Variants in FBXW8 observed in about 807,000 individuals in gnomAD.
FBXW8 encodes F-box and WD repeat domain containing 8.
A neutral mutation model predicts 65.3 loss-of-function variants in FBXW8; 57 were observed. The observed-to-expected ratio is 0.87, with a 90% CI of 0.71 to 1.09. The LOEUF is 1.09. Among genes scored for constraint, FBXW8 ranks in the 50% least tolerant of loss-of-function variants. The pLI is 0.00. For missense variants in FBXW8, 777 were observed against 814.8 expected (o/e 0.95, Z 0.57); for synonymous variants, 308 against 330.2 (o/e 0.93, Z 0.73).
At chr12:116,999,088 A>C (rs1470273717) in intron 7 of FBXW8, among the ~76,000 whole-genome samples, 2 of 152,238 alleles carry the variant, frequency 1.3e-5, no homozygotes, top group Non-Finnish European at 2.9e-5. Flanking sequence ...TAATGGACGC[A>C]AAGTTACTCT....
At chr12:116,955,687 A>C (rs1246338099) in intron 4 of FBXW8, among the ~76,000 whole-genome samples, 2 of 152,208 alleles carry the variant, frequency 1.3e-5, no homozygotes, top group African/African-American at 4.8e-5. Flanking sequence ...AGAGTAGAAG[A>C]AAGGGGCATA....
intron 1 of FBXW8, among the ~76,000 whole-genome samples, chr12:116,927,134 T>C (rs1388332839): frequency 1.3e-5 from 2 of 152,156 alleles, no homozygotes; most frequent in African/African-American, 4.8e-5. Flanking sequence ...CATACCAAAG[T>C]GAGCTTTGGC....
intron 4 of FBXW8, among the ~76,000 whole-genome samples, chr12:116,958,564 TG>T (rs1469968896): frequency 6.6e-6 from 1 of 152,172 alleles, no homozygotes; most frequent in African/African-American, 2.4e-5. Context: ...ACAACCCCCC[TG>T]GTCATGGCGA....
intron 8 of FBXW8, among the ~76,000 whole-genome samples, chr12:117,015,069 A>G (rs1953919153): frequency 1.3e-5 from 2 of 152,236 alleles, no homozygotes; most frequent in Admixed American, 6.5e-5. Context: ...CCTCACCCCT[A>G]TTCTTTGAGG....
chr12:116,959,487 T>C (rs1046739444), intron 4 of FBXW8, among the ~76,000 whole-genome samples: 1 of 152,142 alleles, frequency 6.6e-6, no homozygotes, highest in Non-Finnish European at 1.5e-5. Context: ...CTCAGCATTC[T>C]TAAATCAAAA....
intron 7 of FBXW8, 63 bp downstream of exon 7, chr12:116,988,932 ATTG>A: frequency 6.8e-7 from 1 of 1,472,440 alleles, no homozygotes; most frequent in Non-Finnish European, 9.3e-7. Flanking sequence ...TTAGAAGGGA[ATTG>A]AAAAATTAAA....
chr12:117,023,958 T>TA (rs1395728709), intron 8 of FBXW8, among the ~76,000 whole-genome samples, 189 bp from the exon 9 acceptor site: 35 of 152,386 alleles, frequency 2.3e-4, no homozygotes, highest in African/African-American at 8.4e-4. Flanking sequence ...TTTAAACCAT[T>TA]CAGATGAGAC....
At chr12:117,018,431 C>T (rs1038289961) in intron 8 of FBXW8, among the ~76,000 whole-genome samples, 2 of 152,210 alleles carry the variant, frequency 1.3e-5, no homozygotes, top group East Asian at 1.9e-4. Flanking sequence ...TGTTTCCCAG[C>T]GTCGAGTATT....
chr12:116,912,696 C>G (rs1880087026), intron 1 of FBXW8, among the ~76,000 whole-genome samples: 1 of 152,006 alleles, frequency 6.6e-6, no homozygotes, highest in Non-Finnish European at 1.5e-5. Context: ...ATCTCCTGAC[C>G]TCGTGATCCG....
intron 1 of FBXW8, among the ~76,000 whole-genome samples, chr12:116,912,352 T>C (rs1053791548): frequency 6.6e-6 from 1 of 151,866 alleles, no homozygotes; most frequent in South Asian, 2.1e-4. Flanking sequence ...CACACTCAGC[T>C]AATTTTTTAA....
chr12:116,963,306 T>TA (rs1884102079), intron 4 of FBXW8, among the ~76,000 whole-genome samples: 1 of 152,154 alleles, frequency 6.6e-6, no homozygotes, highest in African/African-American at 2.4e-5. Context: ...AGTACTTCTC[T>TA]ATAAGAAATT....
chr12:116,947,799 T>G (rs187192835), intron 3 of FBXW8, among the ~76,000 whole-genome samples: 1 of 151,870 alleles, frequency 6.6e-6, no homozygotes, highest in East Asian at 1.9e-4. Flanking sequence ...GCAAGTTGCT[T>G]TACTTTTGTC....
chr12:116,936,140 G>A lies in FBXW8; in HGVS notation c.423+8013G>A, dbSNP rs1210635248. Among the ~76,000 whole-genome samples the A allele has an allele frequency of 6.6e-6, 1 of 152,198 alleles. No homozygotes were observed. The highest frequency in any genetic ancestry group is 1.5e-5 in the Non-Finnish European group (1 of 68,026). On this transcript the variant is annotated intron_variant, in intron 2 of 10. Coordinates refer to ENST00000652555, the MANE Select transcript of FBXW8 (RefSeq NM_153348.3). This position sits in a 1 kb window ranked among gnomAD's most constrained non-coding sequence, Gnocchi z 4.6. Reference sequence around the variant, plus strand: ...GGGGGTTGCACTTTTGAGTGGCCAGGGAAGACTTTGCAGAGAAGGTGAGCT... The same window carrying A: ...GGGGGTTGCACTTTTGAGTGGCCAGAGAAGACTTTGCAGAGAAGGTGAGCT...
chr12:116,953,900 G>T (rs984788761), intron 4 of FBXW8, among the ~76,000 whole-genome samples: 2 of 152,126 alleles, frequency 1.3e-5, no homozygotes, highest in African/African-American at 2.4e-5. Flanking sequence ...CAGATCATGA[G>T]GTCAGGAGTT....
In FBXW8 at chr12:116,985,286, G is replaced by T. The variant is rs767993065; in HGVS notation, c.916G>T (p.Ala306Ser). The T allele has an allele frequency of 3.6e-5, 58 of 1,614,088 alleles. No individual in the cohort carries two copies. Among genetic ancestry groups the T allele is most frequent in the South Asian group, 2.1e-4 (19 of 91,084 alleles). The part of the protein sequence containing the change: ...FEHDARIQAL[A>S]LSQDDATVAT... Reference sequence around the variant, plus strand: ...GCACGATGCAAGAATACAGGCACTAGCCCTCAGCCAGGACGATGCAACCGT... The same window carrying T: ...GCACGATGCAAGAATACAGGCACTATCCCTCAGCCAGGACGATGCAACCGT... The change falls in exon 6 of 11, where the codon GCC becomes TCC. Residue 306 changes from alanine to serine, a missense_variant. Transcript: ENST00000652555.
In FBXW8 at chr12:116,911,366, G is replaced by A. The variant is rs915749649; in HGVS notation, c.318+11G>A. 1.6e-6 allele frequency: 2 copies of A among 1,271,002 alleles called. No homozygotes were observed. The highest frequency in any genetic ancestry group is 2.0e-6 in the Non-Finnish European group (2 of 1,011,840). The allele number at this position is 1,271,002 out of a possible 1,614,324, so 78.7% of individuals were successfully genotyped here. Reference sequence around the variant, plus strand: ...CTCATCCGCGACCTGGTGAGTGGCCGTCGCCTCCCCCCCGCCCATGCCTGC... The same window carrying A: ...CTCATCCGCGACCTGGTGAGTGGCCATCGCCTCCCCCCCGCCCATGCCTGC... On this transcript the variant is annotated intron_variant, in intron 1 of 10. Transcript: ENST00000652555.
At chr12:116,982,242 C>G (rs575841136) in intron 5 of FBXW8, among the ~76,000 whole-genome samples, 1 of 152,280 alleles carries the variant, frequency 6.6e-6, no homozygotes, top group Admixed American at 6.5e-5. Flanking sequence ...GCAAGACCAA[C>G]TACATGCTGT....
chr12:116,921,768 T>C (rs1194116195), intron 1 of FBXW8, among the ~76,000 whole-genome samples: 2 of 151,966 alleles, frequency 1.3e-5, no homozygotes, highest in Non-Finnish European at 2.9e-5. Flanking sequence ...TAAAAGTCTT[T>C]AGTAATATAA....
At chr12:116,922,213 C>T (rs895004456) in intron 1 of FBXW8, among the ~76,000 whole-genome samples, 3 of 151,968 alleles carry the variant, frequency 2.0e-5, no homozygotes, top group Non-Finnish European at 4.4e-5. Flanking sequence ...TTATTTATCT[C>T]GACTGCCTTT....
Sources: gnomAD v4.1 joint callset for allele counts (sites outside exome capture counted in the v4.1 genomes callset) on GRCh38, gnomAD v4.1.1 for gene constraint, Gnocchi (gnomAD v3.1) non-coding constraint, MANE v1.5 for transcripts, NCBI Gene and HGNC (gene_info 2026-07-23, HGNC 2026-07-21) for gene names.